TRIM14: variants seen among roughly 807,000 people sequenced by gnomAD.
TRIM14 encodes the protein tripartite motif containing 14.
In TRIM14, 28 loss-of-function variants were observed where a neutral mutation model predicts 44.5. That is an observed-to-expected ratio of 0.63 (90% CI 0.47 to 0.86). The LOEUF (loss-of-function observed/expected upper bound fraction) is 0.86. TRIM14 is among the 40% of genes least tolerant of loss of function. The pLI is 0.00. For synonymous variants in TRIM14, 299 were observed against 269.2 expected (o/e 1.11, Z -1.08); for missense variants, 607 against 611.1 (o/e 0.99, Z 0.07).
At chr9:98,044,721 C>A in the TRIM14 span, among the ~76,000 whole-genome samples, 2 of 152,010 alleles carry the variant, frequency 1.3e-5, no homozygotes, top group Non-Finnish European at 2.9e-5. Context: ...CTGTCATTTA[C>A]CTATGAAAAC....
At position 98,100,087 on chromosome 9, in the gene TRIM14, C is replaced by G. The variant is rs371858991; in HGVS notation, c.381G>C (p.Ala127=). The G allele has an allele frequency of 2.5e-6, 4 of 1,614,174 alleles. No homozygotes were observed. Among genetic ancestry groups the G allele is most frequent in the Non-Finnish European group, 3.4e-6 (4 of 1,180,044 alleles). ...TTTTATCAATGAATTTCTTGGCCAG[C>G]GCTTCCTCTTCGTCAAGTAGTAATC... ...ELRLLLDEEE[A]LAKKFIDKNT... is the part of the protein sequence containing the mutation. The change falls in exon 3 of 6, where the codon GCG becomes GCC. Residue 127 remains alanine, a synonymous_variant. Transcript: ENST00000341469.
At chr9:98,099,105 T>G (rs10985045) in intron 3 of TRIM14, among the ~76,000 whole-genome samples, 8,566 of 152,142 alleles carry the variant, frequency 0.056, 386 homozygotes, top group Admixed American at 0.12. Flanking sequence ...CTTTGAAATG[T>G]GCTCAGTAGC....
At chr9:98,106,096 C>T (rs1826600501) in intron 2 of TRIM14, among the ~76,000 whole-genome samples, 1 of 152,168 alleles carries the variant, frequency 6.6e-6, no homozygotes, top group Admixed American at 6.6e-5. Flanking sequence ...TGAAGGGGCA[C>T]ACTCACAATC....
chr9:98,072,442 C>T (rs1409580909), intron 6 of TRIM14, among the ~76,000 whole-genome samples: 1 of 150,238 alleles, frequency 6.7e-6, no homozygotes, highest in Non-Finnish European at 1.5e-5. Context: ...GACGGAGTCT[C>T]GCTGTGTCGC....
the TRIM14 span, among the ~76,000 whole-genome samples, chr9:98,059,092 C>T: frequency 8.7e-4 from 131 of 149,868 alleles, 1 homozygote; most frequent in South Asian, 0.026. Flanking sequence ...GGCGTGATCT[C>T]GGCTTACTGC....
downstream of TRIM14, chr9:98,081,048 A>G: frequency 6.2e-7 from 1 of 1,614,144 alleles, no homozygotes; most frequent in Non-Finnish European, 8.5e-7. Context: ...CCAACCAAGC[A>G]GCTGCTGCCC....
At chr9:98,067,093 C>G (rs891798794), downstream of TRIM14, among the ~76,000 whole-genome samples, 3 of 152,134 alleles carry the variant, frequency 2.0e-5, no homozygotes, top group African/African-American at 7.2e-5. Flanking sequence ...TACTTCATTT[C>G]TTTTTTTGAC....
At chr9:98,073,434 A>G (rs868015056) in intron 6 of TRIM14, among the ~76,000 whole-genome samples, 23 of 150,834 alleles carry the variant, frequency 1.5e-4, no homozygotes, top group Middle Eastern at 3.4e-3. Flanking sequence ...ACAGACACAC[A>G]CCAACACGCC....
intron 2 of TRIM14, among the ~76,000 whole-genome samples, chr9:98,102,914 C>T (rs1186016746): frequency 2.0e-5 from 3 of 152,000 alleles, no homozygotes; most frequent in African/African-American, 7.2e-5. Flanking sequence ...AGGCTGGGCG[C>T]GGTGGCTCAC....
chr9:98,039,430 A>G, the TRIM14 span, among the ~76,000 whole-genome samples: 1 of 152,204 alleles, frequency 6.6e-6, no homozygotes, highest in South Asian at 2.1e-4. Context: ...GGAGAAAATT[A>G]GTTTATAGTT....
Position 98,077,231 on chromosome 9 carries a change from A to G in TRIM14, c.*29-7544T>C, listed in dbSNP as rs368489156. ...TCCCATCTCGACCTCCCAAAGTGCTAGGATTACAGGCATGAGCCACTGTGC... is the reference window on the plus strand; with the variant it reads ...TCCCATCTCGACCTCCCAAAGTGCTGGGATTACAGGCATGAGCCACTGTGC... On this transcript the variant is annotated intron_variant, in intron 6 of 6. Transcript: ENST00000375098. Among the ~76,000 whole-genome samples the G allele has an allele frequency of 2.6e-5, 4 of 151,986 alleles. No homozygotes were observed. The East Asian group carries it at 5.8e-4, about 22-fold the overall frequency.
At chr9:98,067,758 C>T (rs142878967), downstream of TRIM14, among the ~76,000 whole-genome samples, 214 of 151,680 alleles carry the variant, frequency 1.4e-3, 3 homozygotes, top group East Asian at 0.031. Flanking sequence ...CTTGCTCTGT[C>T]GCCCAGGCTG....
chr9:98,103,762 C>T (rs983898591), intron 2 of TRIM14, among the ~76,000 whole-genome samples: 2 of 145,278 alleles, frequency 1.4e-5, no homozygotes, highest in Non-Finnish European at 3.0e-5. Flanking sequence ...CGCCTGAACC[C>T]GGGAGGCAGA....
At chr9:98,093,890 T>C (rs1257210516) in intron 4 of TRIM14, among the ~76,000 whole-genome samples, 1 of 152,034 alleles carries the variant, frequency 6.6e-6, no homozygotes, top group Non-Finnish European at 1.5e-5. Flanking sequence ...GGATTACAGG[T>C]GCATGCCACC....
chr9:98,094,747 C>T (rs1826119613), intron 4 of TRIM14, 120 bp downstream of exon 4: 3 of 1,262,672 alleles, frequency 2.4e-6, no homozygotes, highest in Non-Finnish European at 3.3e-6. Context: ...CCCCTGACCG[C>T]CCAGCCAAGG....
At chr9:98,038,597 TTC>T in the TRIM14 span, among the ~76,000 whole-genome samples, 1 of 152,216 alleles carries the variant, frequency 6.6e-6, no homozygotes, top group Non-Finnish European at 1.5e-5. Flanking sequence ...TAAATGTGAT[TTC>T]TCTTTTTTCC....
chr9:98,046,313 G>A, the TRIM14 span, among the ~76,000 whole-genome samples: 5 of 152,112 alleles, frequency 3.3e-5, no homozygotes, highest in Admixed American at 6.5e-5. Context: ...TGGTGAAATC[G>A]TACTAAAGGT....
intron 1 of TRIM14, among the ~76,000 whole-genome samples, chr9:98,117,534 A>T (rs1403103254): frequency 6.6e-6 from 1 of 152,164 alleles, no homozygotes; most frequent in Non-Finnish European, 1.5e-5. Flanking sequence ...GCCTCATGTG[A>T]TCCTCCTGCC....
Position 98,087,831 on chromosome 9 carries a change from TA to T in TRIM14, c.967del (p.Tyr323ThrfsTer85). ...ARDCFATGRH[Y>X]WEVDVQEAGA... ...CGCCTCCTGCACGTCAACCTCCCAGTAGTGGCGGCCGGTGGCGAAGCAGTCA... is the reference window on the plus strand; with the variant it reads ...CGCCTCCTGCACGTCAACCTCCCAGTGTGGCGGCCGGTGGCGAAGCAGTCA... On this transcript the variant is annotated frameshift_variant, in exon 6 of 6. Transcript: ENST00000341469. LOFTEE classifies it high-confidence loss of function. 1.2e-5 allele frequency: 18 copies of T among 1,544,588 alleles called. No individual in the cohort carries two copies. The highest frequency in any genetic ancestry group is 1.6e-5 in the Non-Finnish European group (18 of 1,157,054).
Sources: allele counts gnomAD v4.1 joint callset (sites outside exome capture counted in the v4.1 genomes callset), GRCh38; gene constraint gnomAD v4.1.1; transcripts MANE v1.5; gene names NCBI Gene and HGNC (gene_info 2026-07-23, HGNC 2026-07-21).